PPP2R5C: variants seen among roughly 807,000 people sequenced by gnomAD.
PPP2R5C encodes serine/threonine-protein phosphatase 2A 56 kDa regulatory subunit gamma isoform.
A neutral mutation model predicts 68.9 loss-of-function variants in PPP2R5C; 7 were observed. The observed-to-expected ratio is 0.10, with a 90% confidence interval of 0.06 to 0.19. The LOEUF (loss-of-function observed/expected upper bound fraction) is 0.19, where lower values mean the gene tolerates loss of function less well. Ranked by LOEUF, PPP2R5C falls within the 10% of genes least tolerant of loss-of-function variation. The pLI is 1.00. For missense variants in PPP2R5C, 348 were observed against 641.3 expected, an observed-to-expected ratio of 0.54 and a Z score of 4.94; for synonymous variants, 210 against 222.2, an observed-to-expected ratio of 0.95 and a Z score of 0.49.
intron 2 of PPP2R5C, among the ~76,000 whole-genome samples, chr14:101,865,969 C>T (rs562931615): frequency 3.9e-5 from 6 of 152,298 alleles, no homozygotes; most frequent in South Asian, 2.1e-4. Context: ...GGCGTAATCT[C>T]GGCTCACTGC....
chr14:101,793,422 A>G (rs948318610), intron 3 of PPP2R5C, among the ~76,000 whole-genome samples: 2 of 152,220 alleles, frequency 1.3e-5, no homozygotes, highest in Non-Finnish European at 2.9e-5. Context: ...CAGGAACTGG[A>G]CTGCGTGGGT....
chr14:101,910,313 T>C (rs1247759289), intron 11 of PPP2R5C, among the ~76,000 whole-genome samples: 1 of 152,224 alleles, frequency 6.6e-6, no homozygotes, highest in African/African-American at 2.4e-5. Context: ...GCAGATTTTA[T>C]TTTTTGCTTG....
At chr14:101,923,916 G>A (rs2047147138) in intron 13 of PPP2R5C, among the ~76,000 whole-genome samples, 1 of 116,132 alleles carries the variant, frequency 8.6e-6, no homozygotes, top group African/African-American at 4.3e-5. Flanking sequence ...GCGTTTTTAC[G>A]CTTACGTTCT....
chr14:101,810,337 C>T (rs901095675), intron 1 of PPP2R5C: 1 of 288,454 alleles, frequency 3.5e-6, no homozygotes, highest in Non-Finnish European at 6.6e-6. Context: ...GAAGTCACTG[C>T]CCAGGGAAGG....
At chr14:101,765,802 G>A (rs2036830755) in intron 2 of PPP2R5C, 1 of 142,800 alleles carries the variant, frequency 7.0e-6, no homozygotes, top group Admixed American at 7.5e-5. Flanking sequence ...GGCCAGGCTA[G>A]TCTCGAACTC....
chr14:101,923,704 A>C (rs1164250726), intron 13 of PPP2R5C, among the ~76,000 whole-genome samples: 2 of 152,344 alleles, frequency 1.3e-5, no homozygotes, highest in Non-Finnish European at 2.9e-5. Context: ...AAATAATCCT[A>C]AAGTGATGTG....
chr14:101,906,342 G>C lies in PPP2R5C; in HGVS notation c.1024-60G>C, dbSNP rs1399508285. 1.3e-6 allele frequency: 2 copies of C among 1,514,532 alleles called. No homozygotes were observed. The highest frequency in any genetic ancestry group is 4.7e-5 in the East Asian group (2 of 42,946). The allele number at this position is 1,514,532 out of a possible 1,614,324, so 93.8% of individuals were successfully genotyped here. A position where few individuals can be genotyped will look rare whatever the true frequency, so the allele number is the denominator to read the frequency against. On this transcript the variant is annotated intron_variant, in intron 9 of 13. Transcript: ENST00000334743. The surrounding 1 kb of genome is among the most constrained non-coding windows in gnomAD (Gnocchi z 4.0). The stretch of plus-strand genomic sequence containing the variant: ...ACCCGACTCACAGGTTTAACAGCAA[G>C]GACAGCCACCTGATGTCTCAGGCAC...
At chr14:101,790,852 G>A (rs1387792897) in intron 3 of PPP2R5C, among the ~76,000 whole-genome samples, 2 of 152,300 alleles carry the variant, frequency 1.3e-5, no homozygotes, top group African/African-American at 2.4e-5. Flanking sequence ...AGGCCGAGGC[G>A]GGCGGATCAT....
Position 101,856,675 on chromosome 14 carries a change from C to T in PPP2R5C, c.95-11C>T. 1 of 1,611,992 alleles carries T rather than the reference C, an allele frequency of 6.2e-7. No individual in the cohort carries two copies. Among genetic ancestry groups the T allele is most frequent in the Non-Finnish European group, 8.5e-7 (1 of 1,178,138 alleles). On this transcript the variant is annotated splice_polypyrimidine_tract_variant and intron_variant, in intron 1 of 13. Transcript: ENST00000334743. ...TTTTGTGATCAATATACTTTGCTTTCTGCTTTTCAGATGTTCCTCCTGCTG... is the reference window on the plus strand; with the variant it reads ...TTTTGTGATCAATATACTTTGCTTTTTGCTTTTCAGATGTTCCTCCTGCTG...
chr14:101,840,331 G>T (rs889953307), intron 1 of PPP2R5C, among the ~76,000 whole-genome samples: 4 of 151,726 alleles, frequency 2.6e-5, no homozygotes, highest in African/African-American at 7.3e-5. Context: ...CATTTTTCAG[G>T]TGTAGAAACT....
rs1237524925 is a variant in PPP2R5C, at chr14:101,797,915, G to A, written c.259+11732G>A. On this transcript the variant is annotated intron_variant, in intron 3 of 14. Coordinates refer to the PPP2R5C transcript ENST00000328724. This position sits in a 1 kb window ranked among gnomAD's most constrained non-coding sequence, Gnocchi z 4.2. ...GCTGAGCTTCCCTGTGGACAAGCTC[G>A]TCCATCCTCTTTAATCACTCCCAGG... 3.9e-5 allele frequency among the ~76,000 whole-genome samples: 6 copies of A among 151,956 alleles called. No individual in the cohort carries two copies. Among genetic ancestry groups the A allele is most frequent in the Non-Finnish European group, 7.4e-5 (5 of 68,000 alleles).
intron 5 of PPP2R5C, 46 bp downstream of exon 7, chr14:101,883,608 A>G: frequency 6.3e-7 from 1 of 1,598,976 alleles, no homozygotes; most frequent in Non-Finnish European, 8.5e-7. Context: ...GGTGATGCTC[A>G]TTTCCCCCCT....
intron 9 of PPP2R5C, among the ~76,000 whole-genome samples, chr14:101,904,727 G>A (rs1020986949): frequency 2.6e-5 from 4 of 152,162 alleles, no homozygotes; most frequent in Admixed American, 1.3e-4. Context: ...TCTCTAAGCT[G>A]TAGGCTTCTG....
chr14:101,769,087 G>C (rs2037015515), intron 2 of PPP2R5C, among the ~76,000 whole-genome samples: 1 of 152,194 alleles, frequency 6.6e-6, no homozygotes, highest in Non-Finnish European at 1.5e-5. Context: ...GCCTCCCAAA[G>C]TGCTGGGATT....
At chr14:101,844,598 A>G (rs554299334) in intron 1 of PPP2R5C, among the ~76,000 whole-genome samples, 3 of 152,284 alleles carry the variant, frequency 2.0e-5, no homozygotes, top group Non-Finnish European at 2.9e-5. Context: ...TCGTGTCTAG[A>G]AGGAAGCACT....
chr14:101,902,280 G>A (rs749488841), intron 9 of PPP2R5C, among the ~76,000 whole-genome samples: 2 of 152,174 alleles, frequency 1.3e-5, no homozygotes. Flanking sequence ...TCCTGACACT[G>A]TGTAAATCTG....
chr14:101,777,070 A>C (rs1398330142), intron 2 of PPP2R5C, among the ~76,000 whole-genome samples: 1 of 151,456 alleles, frequency 6.6e-6, no homozygotes, highest in African/African-American at 2.4e-5. Context: ...TAGTAGAGAC[A>C]GGGTTTCACC....
rs76237673 is a variant in PPP2R5C, at chr14:101,852,373, C to G, written c.95-4313C>G. ...TAAAGGAGATCTTTGTTAAACATCT[C>G]TATTTATCACTGATTAATAACAGGC... On this transcript the variant is annotated intron_variant, in intron 1 of 13. Transcript: ENST00000334743. Among the ~76,000 whole-genome samples, 186 of 151,904 alleles carry G rather than the reference C, an allele frequency of 1.2e-3. 1 individual carries two copies. In the Middle Eastern group the frequency reaches 0.014, roughly 11 times the overall value.
At chr14:101,919,167 G>C (rs539030805) in intron 13 of PPP2R5C, among the ~76,000 whole-genome samples, 1 of 152,308 alleles carries the variant, frequency 6.6e-6, no homozygotes, top group East Asian at 1.9e-4. Context: ...AAGGGCTCAC[G>C]GCACCAAGTC....
Sources: gnomAD v4.1 joint callset for allele counts (sites outside exome capture counted in the v4.1 genomes callset) on GRCh38, gnomAD v4.1.1 for gene constraint, Gnocchi (gnomAD v3.1) non-coding constraint, MANE v1.5 for transcripts, NCBI Gene and HGNC (gene_info 2026-07-23, HGNC 2026-07-21) for gene names.